Variants in PRDM16 observed in about 807,000 individuals in gnomAD.
The protein encoded by PRDM16 is PR/SET domain 16.
In PRDM16, 23 loss-of-function variants were observed where a neutral mutation model predicts 110.6. The observed-to-expected ratio is 0.21, with a 90% confidence interval of 0.15 to 0.29. The LOEUF (loss-of-function observed/expected upper bound fraction) is 0.29, where lower values mean the gene tolerates loss of function less well. Ranked by LOEUF, PRDM16 falls within the 10% of genes least tolerant of loss-of-function variation. The probability of loss-of-function intolerance (pLI) is 1.00; values close to 1 mark genes in which losing one functional copy is unlikely to be tolerated. For synonymous variants in PRDM16, 799 were observed against 781.8 expected (o/e 1.02, Z -0.37); for missense variants, 1,615 against 1,794.3 (o/e 0.90, Z 1.81).
At chr1:3,316,271 G>T (rs1641598425) in intron 3 of PRDM16, among the ~76,000 whole-genome samples, 1 of 144,982 alleles carries the variant, frequency 6.9e-6, no homozygotes, top group African/African-American at 2.5e-5. Context: ...ACACTGTGGG[G>T]GTAGGGGTGG....
chr1:3,296,869 C>T (rs572414005), intron 3 of PRDM16, among the ~76,000 whole-genome samples: 1 of 152,324 alleles, frequency 6.6e-6, no homozygotes, highest in East Asian at 1.9e-4. Flanking sequence ...GTCAAAAACG[C>T]AGTTCACACA....
At chr1:3,286,935 C>G (rs1388341900) in intron 3 of PRDM16, among the ~76,000 whole-genome samples, 2 of 151,694 alleles carry the variant, frequency 1.3e-5, no homozygotes, top group Non-Finnish European at 2.9e-5. Context: ...AAAGCTGGGT[C>G]TGCCCACCCT....
At chr1:3,422,457 C>T (rs1638467150) in intron 12 of PRDM16, among the ~76,000 whole-genome samples, 1 of 152,256 alleles carries the variant, frequency 6.6e-6, no homozygotes, top group Non-Finnish European at 1.5e-5. Flanking sequence ...GGTGGGAAGC[C>T]TCTGGCTGGG....
At position 3,302,237 on chromosome 1, in the gene PRDM16, G is replaced by A. The variant is rs138483945; in HGVS notation, c.438+58100G>A. Among the ~76,000 whole-genome samples, 7 of 152,166 alleles carry A rather than the reference G, an allele frequency of 4.6e-5. No individual in the cohort carries two copies. In the East Asian group the frequency reaches 9.7e-4, roughly 21 times the overall value. On this transcript the variant is annotated intron_variant, in intron 3 of 16. Transcript: ENST00000270722. ...AACACAGGCGTCTCCGAGATTTCCC[G>A]GGGTTGGTTCCAGATCATCACAATG... is the stretch of plus-strand genomic sequence containing the variant.
intron 3 of PRDM16, among the ~76,000 whole-genome samples, chr1:3,279,006 C>T (rs1640651805): frequency 6.6e-6 from 1 of 152,228 alleles, no homozygotes; most frequent in Non-Finnish European, 1.5e-5. Context: ...TGTCTGTCAT[C>T]GTCAGCCCTG....
chr1:3,293,534 G>A (rs995842546), intron 3 of PRDM16, among the ~76,000 whole-genome samples: 6 of 152,232 alleles, frequency 3.9e-5, no homozygotes, highest in African/African-American at 7.2e-5. Context: ...TGAACTCCGC[G>A]CTGCACTAAA....
chr1:3,380,870 G>A (rs1643090090), intron 3 of PRDM16, among the ~76,000 whole-genome samples: 1 of 152,208 alleles, frequency 6.6e-6, no homozygotes, highest in Admixed American at 6.5e-5. Context: ...CACAATGGGT[G>A]CCTCCTCCAC....
At chr1:3,114,459 G>A (rs528419689) in intron 1 of PRDM16, among the ~76,000 whole-genome samples, 21 of 138,224 alleles carry the variant, frequency 1.5e-4, no homozygotes, top group African/African-American at 2.9e-4. Flanking sequence ...GCACACACAC[G>A]CACACACGCA....
intron 3 of PRDM16, among the ~76,000 whole-genome samples, chr1:3,373,129 C>T (rs973343110): frequency 1.3e-5 from 2 of 152,198 alleles, no homozygotes; most frequent in Non-Finnish European, 2.9e-5. Flanking sequence ...CAGGCACACA[C>T]AAGAGTCTCC....
At chr1:3,182,318 C>T (rs943398745) in intron 1 of PRDM16, among the ~76,000 whole-genome samples, 1 of 152,220 alleles carries the variant, frequency 6.6e-6, no homozygotes, top group African/African-American at 2.4e-5. Flanking sequence ...TGGTAATCCC[C>T]CTCTGAGGGC....
chr1:3,360,262 G>A (rs1197079812), intron 3 of PRDM16, among the ~76,000 whole-genome samples: 3 of 152,198 alleles, frequency 2.0e-5, no homozygotes, highest in Non-Finnish European at 2.9e-5. Flanking sequence ...TAGAAGCAGC[G>A]GAGTCTTCTG....
Position 3,186,427 on chromosome 1 carries a change from G to A in PRDM16, c.340G>A (p.Val114Met), listed in dbSNP as rs749076034. 2.2e-5 allele frequency: 34 copies of A among 1,576,880 alleles called. No individual in the cohort carries two copies. The highest frequency in any genetic ancestry group is 2.7e-5 in the African/African-American group (2 of 73,526). The change falls in exon 2 of 17, where the codon GTG (valine) becomes ATG (methionine). Residue 114 changes from valine to methionine, a missense_variant. Physicochemically the swap from Val to Met is conservative, Grantham distance 21. This residue lies in a region of PRDM16 where 416 missense variants were observed against 467.1 expected (regional missense o/e 0.89). Coordinates refer to ENST00000270722, the MANE Select transcript of PRDM16 (RefSeq NM_022114.4). ...AGCCGGGGAGAGGCTGGGCCCCTGCGTGGTGGTGCCCCGGGCGGCGGCAAA... is the reference window on the plus strand; with the variant it reads ...AGCCGGGGAGAGGCTGGGCCCCTGCATGGTGGTGCCCCGGGCGGCGGCAAA... Reference protein sequence around the residue: ...MEAGERLGPCVVVPRAAAKET... With the variant: ...MEAGERLGPCMVVPRAAAKET...
intron 3 of PRDM16, among the ~76,000 whole-genome samples, chr1:3,380,830 G>A (rs1643089635): frequency 6.6e-6 from 1 of 152,216 alleles, no homozygotes; most frequent in Non-Finnish European, 1.5e-5. Flanking sequence ...GTGACTCGAT[G>A]CATTCAACAA....
At chr1:3,170,860 A>G (rs1196088431) in intron 1 of PRDM16, among the ~76,000 whole-genome samples, 2 of 152,216 alleles carry the variant, frequency 1.3e-5, no homozygotes, top group South Asian at 2.1e-4. Context: ...TCGGGAGCCC[A>G]TGGCCTTCTC....
intron 1 of PRDM16, among the ~76,000 whole-genome samples, chr1:3,111,993 G>A (rs376525997): frequency 2.0e-5 from 3 of 152,318 alleles, no homozygotes; most frequent in Admixed American, 6.5e-5. Context: ...AGGGAGGACC[G>A]GCCTTGATAA....
intron 1 of PRDM16, among the ~76,000 whole-genome samples, chr1:3,071,471 G>T (rs1364048443): frequency 6.6e-6 from 1 of 152,262 alleles, no homozygotes; most frequent in East Asian, 1.9e-4. Context: ...ACTTGGCCGA[G>T]CGCTGGGAAC....
At chr1:3,263,361 A>G (rs1640213013) in intron 3 of PRDM16, among the ~76,000 whole-genome samples, 1 of 152,194 alleles carries the variant, frequency 6.6e-6, no homozygotes. Flanking sequence ...CCAAGTAGAC[A>G]GAGCGTGCCG....
chr1:3,363,363 C>T (rs912632859), intron 3 of PRDM16, among the ~76,000 whole-genome samples: 4 of 152,132 alleles, frequency 2.6e-5, no homozygotes, highest in Non-Finnish European at 5.9e-5. Flanking sequence ...TTAAACATAC[C>T]CCAGGAAGGT....
intron 11 of PRDM16, 65 bp downstream of exon 11, chr1:3,418,062 T>G (rs1569750231): frequency 1.4e-6 from 2 of 1,386,204 alleles, no homozygotes; most frequent in South Asian, 2.6e-5. Flanking sequence ...CCTGTGGCTG[T>G]GAACCTGTGC....
Sources: gnomAD v4.1 joint callset for allele counts (sites outside exome capture counted in the v4.1 genomes callset) on GRCh38, gnomAD v4.1.1 for gene constraint, gnomAD v4.1.1 regional missense constraint, MANE v1.5 for transcripts, NCBI Gene and HGNC (gene_info 2026-07-23, HGNC 2026-07-21) for gene names.